TRAK1: variants seen among roughly 807,000 people sequenced by gnomAD.
TRAK1 encodes the protein trafficking kinesin-binding protein 1.
A neutral mutation model predicts 92.1 loss-of-function variants in TRAK1; 33 were observed. That is an observed-to-expected ratio of 0.36 (90% confidence interval 0.27 to 0.48). The LOEUF (loss-of-function observed/expected upper bound fraction) is 0.48, where lower values mean the gene tolerates loss of function less well. Ranked by LOEUF, TRAK1 falls within the 20% of genes least tolerant of loss-of-function variation. The probability of loss-of-function intolerance (pLI) is 0.99; values close to 1 mark genes in which losing one functional copy is unlikely to be tolerated. For synonymous variants in TRAK1, 521 were observed against 517.3 expected (o/e 1.01, Z -0.10); for missense variants, 1,123 against 1,257.9 (o/e 0.89, Z 1.62).
At chr3:42,177,874 A>T (rs1207135537) in intron 3 of TRAK1, among the ~76,000 whole-genome samples, 1 of 152,076 alleles carries the variant, frequency 6.6e-6, no homozygotes, top group Admixed American at 6.5e-5. Context: ...TCACAAACTC[A>T]TCAGCTCCCC....
At chr3:42,203,768 C>T in intron 13 of TRAK1, 1 of 967,282 alleles carries the variant, frequency 1.0e-6, no homozygotes, top group Non-Finnish European at 1.2e-6. Context: ...CCTAATCACC[C>T]CCCAAAGACA....
At chr3:42,098,124 C>T (rs1031375297) in intron 1 of TRAK1, among the ~76,000 whole-genome samples, 6 of 151,960 alleles carry the variant, frequency 3.9e-5, no homozygotes, top group African/African-American at 1.5e-4. Context: ...CTGTCCTTCC[C>T]CTTGCTGTCT....
intron 11 of TRAK1, among the ~76,000 whole-genome samples, chr3:42,199,456 A>T (rs1056261620): frequency 2.6e-5 from 4 of 152,034 alleles, no homozygotes; most frequent in Non-Finnish European, 5.9e-5. Flanking sequence ...GTTAATTTTT[A>T]TTTATTTATT....
chr3:42,021,663 G>A (rs572877904), intron 1 of TRAK1, among the ~76,000 whole-genome samples: 1 of 152,134 alleles, frequency 6.6e-6, no homozygotes, highest in South Asian at 2.1e-4. Context: ...TTCAACCTCC[G>A]TCTCCCTGGT....
intron 1 of TRAK1, among the ~76,000 whole-genome samples, chr3:42,116,246 C>T (rs888724751): frequency 6.6e-6 from 1 of 152,218 alleles, no homozygotes; most frequent in African/African-American, 2.4e-5. Context: ...GACATTTGGC[C>T]ACCTCCTCAG....
chr3:42,113,368 G>GCCTACC (rs199566316), intron 1 of TRAK1, among the ~76,000 whole-genome samples: 22 of 128,878 alleles, frequency 1.7e-4, no homozygotes, highest in Admixed American at 9.0e-4. Context: ...CTACGCCTAC[G>GCCTACC]CCTACCCCTA....
intron 13 of TRAK1, among the ~76,000 whole-genome samples, chr3:42,206,391 T>C (rs1708336791): frequency 6.6e-6 from 1 of 152,142 alleles, no homozygotes; most frequent in Non-Finnish European, 1.5e-5. Context: ...GCCATTCAGT[T>C]GTGTTATTGA....
intron 8 of TRAK1, 25 bp downstream of exon 8, chr3:42,193,230 T>A: frequency 6.2e-7 from 1 of 1,612,936 alleles, no homozygotes; most frequent in Middle Eastern, 1.7e-4. Context: ...TTTATCTGGC[T>A]GATACAACAA....
intron 2 of TRAK1, among the ~76,000 whole-genome samples, chr3:42,175,699 A>G (rs1438675116): frequency 6.6e-6 from 1 of 152,172 alleles, no homozygotes; most frequent in Non-Finnish European, 1.5e-5. Context: ...TCAGAGACCT[A>G]TTGAATTCCA....
chr3:42,073,100 G>A (rs1704005073), intron 1 of TRAK1, among the ~76,000 whole-genome samples: 1 of 152,174 alleles, frequency 6.6e-6, no homozygotes, highest in Admixed American at 6.5e-5. Flanking sequence ...ATACAAGTCT[G>A]CCCTGAAGTC....
chr3:42,030,060 G>A (rs957988667), intron 1 of TRAK1, among the ~76,000 whole-genome samples: 4 of 149,172 alleles, frequency 2.7e-5, no homozygotes, highest in African/African-American at 9.9e-5. Flanking sequence ...AGAGGCGAGG[G>A]TGATGCCGAG....
intron 1 of TRAK1, among the ~76,000 whole-genome samples, chr3:42,028,684 C>T (rs1357728735): frequency 6.6e-6 from 1 of 152,084 alleles, no homozygotes; most frequent in Non-Finnish European, 1.5e-5. Context: ...GTGCAGGGGA[C>T]CCTGGGGATA....
intron 10 of TRAK1, among the ~76,000 whole-genome samples, chr3:42,196,850 A>G (rs542723673): frequency 2.0e-5 from 3 of 151,832 alleles, no homozygotes; most frequent in South Asian, 4.2e-4. Context: ...GCCTGGCCCT[A>G]TGGCACATTT....
intron 1 of TRAK1, among the ~76,000 whole-genome samples, chr3:42,050,518 C>T (rs1702937499): frequency 6.6e-6 from 1 of 152,166 alleles, no homozygotes; most frequent in Non-Finnish European, 1.5e-5. Flanking sequence ...TTCCTTGGGA[C>T]CCCTGCAGGT....
intron 13 of TRAK1, among the ~76,000 whole-genome samples, chr3:42,206,136 T>G (rs1708309315): frequency 6.6e-6 from 1 of 152,238 alleles, no homozygotes; most frequent in Non-Finnish European, 1.5e-5. Context: ...TTTTTAATTC[T>G]TATACCTTCT....
chr3:42,071,829 A>C (rs539580278), intron 1 of TRAK1, among the ~76,000 whole-genome samples: 1 of 151,960 alleles, frequency 6.6e-6, no homozygotes, highest in South Asian at 2.1e-4. Context: ...CGGGACATCT[A>C]ACCCTTCTCA....
intron 1 of TRAK1, among the ~76,000 whole-genome samples, chr3:42,108,815 C>T (rs1294855921): frequency 6.6e-6 from 1 of 151,888 alleles, no homozygotes. Flanking sequence ...GAGTCTTGCC[C>T]AATTTGACCA....
At chr3:42,201,087 T>C in intron 12 of TRAK1, 33 bp downstream of exon 12, 1 of 1,604,398 alleles carries the variant, frequency 6.2e-7, no homozygotes, top group Non-Finnish European at 8.5e-7. Context: ...CTTCTCTGTT[T>C]TGGGGTGAGG....
In TRAK1 at chr3:42,209,796, T is replaced by C. The variant is rs1157352339; in HGVS notation, c.1774T>C (p.Leu592=). The C allele has an allele frequency of 6.2e-7, 1 of 1,614,080 alleles. No individual in the cohort carries two copies. The highest frequency in any genetic ancestry group is 8.5e-7 in the Non-Finnish European group (1 of 1,180,032). ...CGCCACACTTCACCACTGGCAGCAG[T>C]TGGCCCAACCTCACCTTGGGGGCAT... ...GSATLHHWQQ[L]AQPHLGGILD... is the part of the protein sequence containing the mutation. Residue 592 remains leucine (L), a synonymous_variant, in exon 14 of 16, where the codon TTG becomes CTG. Coordinates refer to ENST00000327628, the MANE Select transcript of TRAK1 (RefSeq NM_001042646.3).
Sources: allele counts gnomAD v4.1 joint callset (sites outside exome capture counted in the v4.1 genomes callset), GRCh38; gene constraint gnomAD v4.1.1; transcripts MANE v1.5; gene names NCBI Gene and HGNC (gene_info 2026-07-23, HGNC 2026-07-21).